Variants in CLDN10 observed in about 807,000 individuals in gnomAD.
CLDN10 encodes claudin 10, also known as claudin-10.
In CLDN10, 15 loss-of-function variants were observed where a neutral mutation model predicts 22.9. The ratio of observed to expected loss-of-function variants is 0.65; its 90% CI spans 0.44 to 1.01. The LOEUF is 1.01. Ranked by LOEUF, CLDN10 falls within the 50% of genes least tolerant of loss-of-function variation. CLDN10 has a pLI of 0.00. For missense variants in CLDN10, 247 were observed against 287.8 expected (o/e 0.86, Z 1.03); for synonymous variants, 114 against 111.4 (o/e 1.02, Z -0.15).
chr13:95,458,678 A>T (rs1003501068), intron 1 of CLDN10, among the ~76,000 whole-genome samples: 3 of 152,148 alleles, frequency 2.0e-5, no homozygotes, highest in African/African-American at 2.4e-5. Flanking sequence ...GATTATGGGG[A>T]TTATGGGGAT....
At chr13:95,562,228 G>A (rs1386696022) in intron 3 of CLDN10, among the ~76,000 whole-genome samples, 5 of 151,830 alleles carry the variant, frequency 3.3e-5, no homozygotes, top group Non-Finnish European at 5.9e-5. Flanking sequence ...CACTGCGCCC[G>A]GCCCCGGATA....
At chr13:95,438,840 G>A (rs143756528) in intron 1 of CLDN10, among the ~76,000 whole-genome samples, 1,593 of 152,098 alleles carry the variant, frequency 0.01, 30 homozygotes, top group African/African-American at 0.036. Context: ...TTAGCCAGGC[G>A]TGGTGGCGGG....
At chr13:95,542,280 T>C (rs536960083) in intron 1 of CLDN10, among the ~76,000 whole-genome samples, 1 of 152,350 alleles carries the variant, frequency 6.6e-6, no homozygotes, top group East Asian at 1.9e-4. Context: ...CTACATGAGA[T>C]GTGGTGCAGA....
intron 1 of CLDN10, among the ~76,000 whole-genome samples, chr13:95,435,486 A>G (rs1304567202): frequency 6.6e-6 from 1 of 152,220 alleles, no homozygotes; most frequent in Non-Finnish European, 1.5e-5. Context: ...GACAATCAAA[A>G]GAAATATTCA....
intron 1 of CLDN10, among the ~76,000 whole-genome samples, chr13:95,484,567 G>A (rs557310096): frequency 6.6e-6 from 1 of 152,156 alleles, no homozygotes; most frequent in East Asian, 1.9e-4. Flanking sequence ...ATGAGGCCAG[G>A]TGTGGTGGCT....
chr13:95,499,500 C>A lies in CLDN10; in HGVS notation c.215-60632C>A, dbSNP rs143551553. Among the ~76,000 whole-genome samples, 16 of 152,302 alleles carry A rather than the reference C, an allele frequency of 1.1e-4. No homozygotes were observed. The East Asian group carries it at 3.1e-3, about 29-fold the overall frequency. ...GAGTTTGCAGTGAGCCGAGATCACGCCACTGCACTCCAGCCTGGGCGACAA... is the reference window on the plus strand; with the variant it reads ...GAGTTTGCAGTGAGCCGAGATCACGACACTGCACTCCAGCCTGGGCGACAA... On this transcript the variant is annotated intron_variant, in intron 1 of 4. Transcript: ENST00000376873.
At chr13:95,514,540 T>G (rs914774910) in intron 1 of CLDN10, among the ~76,000 whole-genome samples, 28 of 152,192 alleles carry the variant, frequency 1.8e-4, no homozygotes, top group African/African-American at 6.7e-4. Flanking sequence ...CCCCAAGGTT[T>G]GAGAAGAGAG....
intron 1 of CLDN10, among the ~76,000 whole-genome samples, chr13:95,484,740 C>A (rs2042785073): frequency 6.6e-6 from 1 of 150,596 alleles, no homozygotes; most frequent in African/African-American, 2.4e-5. Context: ...GTGGCAAGCA[C>A]CTGTAGTTCC....
At chr13:95,449,269 C>T (rs934108981) in intron 1 of CLDN10, among the ~76,000 whole-genome samples, 2 of 151,556 alleles carry the variant, frequency 1.3e-5, no homozygotes, top group East Asian at 1.9e-4. Flanking sequence ...TATTTTTTTT[C>T]GAAACAGAAT....
chr13:95,540,215 G>A (rs541928611), intron 1 of CLDN10, among the ~76,000 whole-genome samples: 666 of 152,078 alleles, frequency 4.4e-3, no homozygotes, highest in Non-Finnish European at 6.1e-3. Context: ...CAGAAGAATC[G>A]CTTGGACCCG....
chr13:95,518,615 G>A (rs532197991), intron 1 of CLDN10, among the ~76,000 whole-genome samples: 1 of 152,240 alleles, frequency 6.6e-6, no homozygotes, highest in East Asian at 1.9e-4. Flanking sequence ...AATTAGCTGG[G>A]CATGGTGGTG....
intron 3 of CLDN10, among the ~76,000 whole-genome samples, chr13:95,568,319 T>G (rs979052294): frequency 2.2e-4 from 33 of 152,298 alleles, no homozygotes; most frequent in African/African-American, 7.2e-4. Flanking sequence ...TGTTCAGAAA[T>G]AGTGCAGGCC....
At chr13:95,537,419 C>T (rs2043412307) in intron 1 of CLDN10, among the ~76,000 whole-genome samples, 1 of 152,130 alleles carries the variant, frequency 6.6e-6, no homozygotes, top group Admixed American at 6.5e-5. Flanking sequence ...GAATTCTGGT[C>T]TCAGCTATTA....
intron 1 of CLDN10, among the ~76,000 whole-genome samples, chr13:95,478,029 G>A (rs2042702411): frequency 6.6e-6 from 1 of 152,226 alleles, no homozygotes; most frequent in African/African-American, 2.4e-5. Flanking sequence ...CTGGAGGCCA[G>A]GCACAGTGGC....
At chr13:95,531,966 GA>G (rs938499554) in intron 1 of CLDN10, among the ~76,000 whole-genome samples, 8 of 152,040 alleles carry the variant, frequency 5.3e-5, no homozygotes, top group African/African-American at 1.9e-4. Flanking sequence ...GAGCCATATG[GA>G]AAAATGAATC....
intron 1 of CLDN10, among the ~76,000 whole-genome samples, chr13:95,527,790 G>C (rs35139994): frequency 0.099 from 15,080 of 152,138 alleles, 908 homozygotes; most frequent in Middle Eastern, 0.13. Flanking sequence ...ACTCTGTGGC[G>C]AGTGTATATC....
chr13:95,571,905 A>G (rs2043866989), intron 3 of CLDN10, among the ~76,000 whole-genome samples: 1 of 152,200 alleles, frequency 6.6e-6, no homozygotes, highest in Non-Finnish European at 1.5e-5. Context: ...CTCTTGATTA[A>G]AATGAGGAGC....
chr13:95,575,587 G>A (rs575946386), intron 3 of CLDN10, among the ~76,000 whole-genome samples: 46 of 149,424 alleles, frequency 3.1e-4, no homozygotes, highest in African/African-American at 1.0e-3. Context: ...TCGCTGCTCA[G>A]TTCGTGTGTG....
chr13:95,518,149 C>G (rs996852528), intron 1 of CLDN10, among the ~76,000 whole-genome samples: 34 of 152,232 alleles, frequency 2.2e-4, no homozygotes, highest in African/African-American at 7.7e-4. Flanking sequence ...AATTACATTA[C>G]CTGCCATAGG....
Sources: allele counts gnomAD v4.1 joint callset (sites outside exome capture counted in the v4.1 genomes callset), GRCh38; gene constraint gnomAD v4.1.1; transcripts MANE v1.5; gene names NCBI Gene and HGNC (gene_info 2026-07-23, HGNC 2026-07-21).